The following ARMC9 variants were observed in gnomAD, a reference collection of about 807,000 sequenced individuals.
ARMC9 encodes armadillo repeat containing 9, also known as lisH domain-containing protein ARMC9.
Under a neutral mutation model 107.0 loss-of-function variants are expected in ARMC9, and 94 were observed. The ratio of observed to expected loss-of-function variants is 0.88; its 90% CI spans 0.74 to 1.04. ARMC9 has a LOEUF of 1.04. Among genes scored for constraint, ARMC9 ranks in the 50% least tolerant of loss-of-function variants. ARMC9 has a pLI of 0.00. For missense variants in ARMC9, 942 were observed against 1,030.1 expected (o/e 0.91, Z 1.17); for synonymous variants, 380 against 396.9 (o/e 0.96, Z 0.51).
chr2:231,360,811 GC>G lies in ARMC9; in HGVS notation c.2192del (p.Pro731GlnfsTer21). 16 of 1,536,090 alleles carry G rather than the reference GC, an allele frequency of 1.0e-5. No individual in the cohort carries two copies. Among genetic ancestry groups the G allele is most frequent in the Non-Finnish European group, 1.4e-5 (16 of 1,146,884 alleles). ...WLPRGRQEEP[R>X]PAPTGTPRQP... ...CCAAGAGGACGCCAGGAAGAGCCTCGCCCAGCCCCCACGGGGACCCCCCGCC... is the reference window on the plus strand; with the variant it reads ...CCAAGAGGACGCCAGGAAGAGCCTCGCCAGCCCCCACGGGGACCCCCCGCC... On this transcript the variant is annotated frameshift_variant, in exon 23 of 25. Coordinates refer to ENST00000611582, the MANE Select transcript of ARMC9 (RefSeq NM_001352754.2). LOFTEE classifies it high-confidence loss of function. The surrounding 1 kb of genome is among the most constrained non-coding windows in gnomAD (Gnocchi z 4.7).
At chr2:231,367,235 G>A (rs2045855103) in intron 23 of ARMC9, among the ~76,000 whole-genome samples, 1 of 152,100 alleles carries the variant, frequency 6.6e-6, no homozygotes, top group African/African-American at 2.4e-5. Context: ...CCAAAAAGAT[G>A]GTGTCCTCTT....
intron 17 of ARMC9, among the ~76,000 whole-genome samples, chr2:231,283,977 T>C (rs2125456908): frequency 6.6e-6 from 1 of 152,326 alleles, no homozygotes; most frequent in Non-Finnish European, 1.5e-5. Context: ...CCTCCCATCT[T>C]GGCCTCCATG....
At position 231,360,681 on chromosome 2, in the gene ARMC9, C is replaced by T. The variant is rs1380364762; in HGVS notation, c.2132-73C>T. 7.8e-6 allele frequency: 12 copies of T among 1,534,812 alleles called. No individual in the cohort carries two copies. Among genetic ancestry groups the T allele is most frequent in the Non-Finnish European group, 1.0e-5 (12 of 1,145,828 alleles). ...TGCGTGCTTTTCTTGGCTTTCCAAC[C>T]CAGCCCACGAGAGGGCATCCTTAGA... On this transcript the variant is annotated intron_variant, in intron 22 of 24. Coordinates refer to ENST00000611582, the MANE Select transcript of ARMC9 (RefSeq NM_001352754.2). This position sits in a 1 kb window ranked among gnomAD's most constrained non-coding sequence, Gnocchi z 4.7.
intron 11 of ARMC9, 40 bp downstream of exon 11, chr2:231,259,142 C>T: frequency 6.6e-7 from 1 of 1,520,824 alleles, no homozygotes; most frequent in South Asian, 1.1e-5. Context: ...CAAAACCAAA[C>T]CAGTGCTGGT....
chr2:231,352,566 C>T (rs187967169), intron 21 of ARMC9, among the ~76,000 whole-genome samples: 3 of 151,668 alleles, frequency 2.0e-5, no homozygotes, highest in South Asian at 2.1e-4. Context: ...TCAAGTGATC[C>T]GCCCGCCTTG....
intron 19 of ARMC9, among the ~76,000 whole-genome samples, chr2:231,318,741 T>C (rs770449102): frequency 1.5e-4 from 23 of 152,352 alleles, no homozygotes; most frequent in Non-Finnish European, 2.8e-4. Context: ...GGAATGATTA[T>C]TTTTAGTAAA....
chr2:231,280,844 G>A (rs2040163222), intron 16 of ARMC9, among the ~76,000 whole-genome samples: 1 of 152,146 alleles, frequency 6.6e-6, no homozygotes, highest in African/African-American at 2.4e-5. Context: ...TCACAGAATC[G>A]TGCTGCCCCA....
Position 231,360,852 on chromosome 2 carries a change from C to G in ARMC9, c.2230C>G (p.Pro744Ala), listed in dbSNP as rs568714154. ...GACCCCCCGCCAGCCAAGGGAGGCG[C>G]CCCAGGACCCAGGCAATGGAGTGAC... is the stretch of plus-strand genomic sequence containing the variant. The part of the protein sequence containing the change: ...TGTPRQPREA[P>A]QDPGNGVTTR... Residue 744 changes from proline to alanine, a missense_variant, in exon 23 of 25, where the codon CCC (proline) becomes GCC (alanine). Coordinates refer to ENST00000611582, the MANE Select transcript of ARMC9 (RefSeq NM_001352754.2). The surrounding 1 kb of genome is among the most constrained non-coding windows in gnomAD (Gnocchi z 4.7). 568 of 1,535,084 alleles carry G rather than the reference C, an allele frequency of 3.7e-4. 7 individuals are homozygous for G. The South Asian group carries it at 6.5e-3, about 18-fold the overall frequency.
Position 231,337,129 on chromosome 2 carries a change from CAT to C in ARMC9, c.1878+5235_1878+5236del, listed in dbSNP as rs1473889689. Among the ~76,000 whole-genome samples, 13 of 151,942 alleles carry C rather than the reference CAT, an allele frequency of 8.6e-5. 1 individual carries two copies. In the East Asian group the frequency reaches 1.9e-3, roughly 23 times the overall value. On this transcript the variant is annotated intron_variant, in intron 20 of 24. Coordinates refer to ENST00000611582, the MANE Select transcript of ARMC9 (RefSeq NM_001352754.2). The stretch of plus-strand genomic sequence containing the variant: ...ATATTACTTTTCGGGTTTTTTTTCA[CAT>C]ATGTCTCCACTTTGGGGCATTTCCT...
intron 5 of ARMC9, among the ~76,000 whole-genome samples, chr2:231,221,196 C>T (rs1372433176): frequency 2.6e-5 from 4 of 152,190 alleles, no homozygotes; most frequent in Admixed American, 2.6e-4. Context: ...CTTGTAGCCA[C>T]GGGTGTTCTG....
intron 20 of ARMC9, among the ~76,000 whole-genome samples, chr2:231,339,330 T>G (rs1201627933): frequency 6.8e-6 from 1 of 147,746 alleles, no homozygotes; most frequent in Non-Finnish European, 1.5e-5. Flanking sequence ...CTCTGTCTTG[T>G]GAAAAAAAAA....
rs1287071947 is a variant in ARMC9 at position 231,360,979 on chromosome 2, C to T, written c.2261+96C>T. ...CAGAGCACCCAGGAGACCTGGAAGG[C>T]TCCTCTGAGGCCCAGCCTCTGACAG... On this transcript the variant is annotated intron_variant, in intron 23 of 24. Transcript: ENST00000611582. The surrounding 1 kb of genome is among the most constrained non-coding windows in gnomAD (Gnocchi z 4.7). The T allele has an allele frequency of 1.4e-6, 2 of 1,433,988 alleles. No homozygotes were observed. The highest frequency in any genetic ancestry group is 1.8e-6 in the Non-Finnish European group (2 of 1,096,768). 88.8% of individuals were successfully genotyped at this position (1,433,988 alleles called of 1,614,324 possible). A position where few individuals can be genotyped will look rare whatever the true frequency, so the allele number is the denominator to read the frequency against.
At chr2:231,318,813 G>C (rs2042848058) in intron 19 of ARMC9, among the ~76,000 whole-genome samples, 1 of 152,226 alleles carries the variant, frequency 6.6e-6, no homozygotes, top group African/African-American at 2.4e-5. Context: ...CCTGTTCCAG[G>C]AACAGGAGTA....
At chr2:231,267,127 T>C (rs942784272) in intron 12 of ARMC9, among the ~76,000 whole-genome samples, 1 of 152,302 alleles carries the variant, frequency 6.6e-6, no homozygotes, top group African/African-American at 2.4e-5. Context: ...ATTGATCCCC[T>C]CTGGGGACAT....
rs76722993 is a variant in ARMC9 at position 231,307,020 on chromosome 2, C to A, written c.1773+10767C>A. On this transcript the variant is annotated intron_variant, in intron 19 of 24. Transcript: ENST00000611582. Reference sequence around the variant, plus strand: ...ATTGAGTTCCTCTGAGAGTGCCTCTCCAGAGGGCTCCAGTGCAAACCTCAA... The same window carrying A: ...ATTGAGTTCCTCTGAGAGTGCCTCTACAGAGGGCTCCAGTGCAAACCTCAA... Among the ~76,000 whole-genome samples, 499 of 152,334 alleles carry A rather than the reference C, an allele frequency of 3.3e-3. 2 individuals carry two copies. Among genetic ancestry groups the A allele is most frequent in the African/African-American group, 0.011 (476 of 41,566 alleles).
chr2:231,292,710 C>A (rs990226314), intron 18 of ARMC9, among the ~76,000 whole-genome samples: 1 of 152,184 alleles, frequency 6.6e-6, no homozygotes, highest in East Asian at 1.9e-4. Context: ...CTCTCCATGC[C>A]CTTCCCTGAC....
At chr2:231,220,894 T>C (rs574027038) in intron 5 of ARMC9, among the ~76,000 whole-genome samples, 1 of 152,302 alleles carries the variant, frequency 6.6e-6, no homozygotes, top group African/African-American at 2.4e-5. Flanking sequence ...AACAGAGCAA[T>C]CTAACTGGAA....
rs776483377 is a variant in ARMC9, at chr2:231,291,339, G to A, written c.1627-14G>A. ...CACTGAAATGTTAACTATTACTTTCGCCAATACTTCTAGGGAATGGAAGAC... is the reference window on the plus strand; with the variant it reads ...CACTGAAATGTTAACTATTACTTTCACCAATACTTCTAGGGAATGGAAGAC... On this transcript the variant is annotated splice_polypyrimidine_tract_variant and intron_variant, in intron 17 of 24. Transcript: ENST00000611582. 8 of 1,606,398 alleles carry A rather than the reference G, an allele frequency of 5.0e-6. No individual in the cohort carries two copies. The Admixed American group carries it at 5.0e-5, about 10-fold the overall frequency.
At chr2:231,228,483 CT>C (rs1410442859) in intron 7 of ARMC9, among the ~76,000 whole-genome samples, 1 of 152,190 alleles carries the variant, frequency 6.6e-6, no homozygotes, top group Non-Finnish European at 1.5e-5. Context: ...GCCTTGTGGT[CT>C]GGGCTTCCTC....
Sources: allele counts gnomAD v4.1 joint callset (sites outside exome capture counted in the v4.1 genomes callset), GRCh38; gene constraint gnomAD v4.1.1; non-coding constraint Gnocchi (gnomAD v3.1); transcripts MANE v1.5; gene names NCBI Gene and HGNC (gene_info 2026-07-23, HGNC 2026-07-21).